Variants in NEK3 observed in about 807,000 individuals in gnomAD.
NEK3 encodes the protein NIMA related kinase 3.
In NEK3, 54 loss-of-function variants were observed where a neutral mutation model predicts 66.0. That is an observed-to-expected ratio of 0.82 (90% CI 0.66 to 1.03). The LOEUF (loss-of-function observed/expected upper bound fraction) is 1.03, where lower values mean the gene tolerates loss of function less well. Among genes scored for constraint, NEK3 ranks in the 50% least tolerant of loss-of-function variants. NEK3 has a pLI of 0.00. For synonymous variants in NEK3, 200 were observed against 206.2 expected, an observed-to-expected ratio of 0.97 and a Z score of 0.26; for missense variants, 593 against 603.0, an observed-to-expected ratio of 0.98 and a Z score of 0.17.
chr13:52,133,009 A>T lies in NEK3; in HGVS notation c.*133T>A. On this transcript the variant is annotated 3_prime_UTR_variant, in exon 16 of 16. Coordinates refer to ENST00000610828, the MANE Select transcript of NEK3 (RefSeq NM_002498.3). The stretch of plus-strand genomic sequence containing the variant: ...CACGATACTAATCAAGAACGATTTT[A>T]AGTATTAAGAGTTTCCTCTGCTTCA... The T allele has an allele frequency of 2.8e-6, 2 of 711,584 alleles. No homozygotes were observed. The highest frequency in any genetic ancestry group is 4.7e-6 in the Non-Finnish European group (2 of 424,420). The allele number at this position is 711,584 out of a possible 1,614,324, so 44.1% of individuals were successfully genotyped here. A position where few individuals can be genotyped will look rare whatever the true frequency, so the allele number is the denominator to read the frequency against.
Position 52,136,151 on chromosome 13 carries a change from A to AT in NEK3, c.1138dup (p.Ile380AsnfsTer12). The AT allele has an allele frequency of 6.2e-7, 1 of 1,613,812 alleles. No homozygotes were observed. The highest frequency in any genetic ancestry group is 8.5e-7 in the Non-Finnish European group (1 of 1,179,718). On this transcript the variant is annotated frameshift_variant, in exon 13 of 16. Coordinates refer to ENST00000610828, the MANE Select transcript of NEK3 (RefSeq NM_002498.3). LOFTEE classifies it high-confidence loss of function. ...CTCTGCTGTTAAACTGGAGGTGAGT[A>AT]TGGATGCATTTTCCAAAGCTGTAAG...
At chr13:52,157,867 A>G (rs1429108710) in intron 1 of NEK3, among the ~76,000 whole-genome samples, 1 of 152,236 alleles carries the variant, frequency 6.6e-6, no homozygotes, top group Non-Finnish European at 1.5e-5. Context: ...GATTTTTCAA[A>G]AAGCTTACAG....
chr13:52,147,617 G>A (rs1203756281), intron 8 of NEK3, among the ~76,000 whole-genome samples: 5 of 152,158 alleles, frequency 3.3e-5, no homozygotes, highest in African/African-American at 7.2e-5. Context: ...GGGAAGAAAT[G>A]GGGAGCAACT....
intron 8 of NEK3, among the ~76,000 whole-genome samples, chr13:52,146,928 TAACC>T (rs901719411): frequency 2.6e-5 from 4 of 152,160 alleles, no homozygotes; most frequent in African/African-American, 9.7e-5. Context: ...GTAAAAAAGC[TAACC>T]TTCAGCCTGT....
chr13:52,146,141 A>G (rs1956294162), intron 8 of NEK3, among the ~76,000 whole-genome samples: 1 of 152,206 alleles, frequency 6.6e-6, no homozygotes, highest in Non-Finnish European at 1.5e-5. Context: ...AAATGATTCT[A>G]CACCTCAAGG....
Position 52,135,780 on chromosome 13 carries a change from T to A in NEK3, c.1258A>T (p.Lys420Ter), listed in dbSNP as rs748211683. ...AAAGCCAAGCTGAGATCAGCATTCT[T>A]AAGGATGTTCAACAAAGTGTCAGGG... ...ETPDTLLNILKNADLSLAFQT... is the reference protein window; with the variant it reads ...ETPDTLLNIL Residue 420 changes from lysine (K) to a stop codon, truncating the protein, a stop_gained, in exon 14 of 16, where the codon AAG (lysine) becomes TAG (stop). Coordinates refer to ENST00000610828, the MANE Select transcript of NEK3 (RefSeq NM_002498.3). LOFTEE classifies it high-confidence loss of function. 3.7e-6 allele frequency: 6 copies of A among 1,613,582 alleles called. No individual in the cohort carries two copies. The African/African-American group carries it at 8.0e-5, about 22-fold the overall frequency.
intron 10 of NEK3, among the ~76,000 whole-genome samples, chr13:52,142,628 C>A (rs1956261431): frequency 6.6e-6 from 1 of 152,196 alleles, no homozygotes; most frequent in South Asian, 2.1e-4. Flanking sequence ...GAAGGGTTTG[C>A]ATCCTTCCAA....
chr13:52,138,224 G>A (rs1956219993), intron 11 of NEK3, among the ~76,000 whole-genome samples: 3 of 152,150 alleles, frequency 2.0e-5, no homozygotes, highest in Admixed American at 1.3e-4. Context: ...GTCTCATTGT[G>A]TTGCCCAGGC....
intron 1 of NEK3, chr13:52,156,718 G>A (rs1676703918): frequency 6.6e-6 from 1 of 152,410 alleles, no homozygotes; most frequent in African/African-American, 2.4e-5. Context: ...TTGTTAAAAT[G>A]GCATATGAGC....
chr13:52,153,499 G>A (rs1232377640), intron 4 of NEK3, among the ~76,000 whole-genome samples: 2 of 152,028 alleles, frequency 1.3e-5, no homozygotes, highest in African/African-American at 4.8e-5. Context: ...AAAAGATTGA[G>A]AATAGGTACT....
intron 7 of NEK3, among the ~76,000 whole-genome samples, chr13:52,149,982 A>G (rs949858437): frequency 1.3e-5 from 2 of 152,194 alleles, no homozygotes; most frequent in Non-Finnish European, 2.9e-5. Flanking sequence ...TACTGTTATC[A>G]CATCCAAGGA....
At chr13:52,149,248 G>A (rs1052127688) in intron 7 of NEK3, among the ~76,000 whole-genome samples, 1 of 151,348 alleles carries the variant, frequency 6.6e-6, no homozygotes, top group Non-Finnish European at 1.5e-5. Context: ...TGCCTAGGCT[G>A]GAGTGCAGTG....
intron 8 of NEK3, among the ~76,000 whole-genome samples, chr13:52,147,583 G>C (rs960298188): frequency 6.6e-6 from 1 of 152,212 alleles, no homozygotes; most frequent in Non-Finnish European, 1.5e-5. Context: ...TCATGAGGCA[G>C]AAATTAGATT....
rs1196830036 is a variant in NEK3 at position 52,145,929 on chromosome 13, G to A, written c.604-1038C>T. ...TAACAAAGCTGCGTACTCTGAACATGTACCCCAGAACTTAAAATAAAAATT... is the reference window on the plus strand; with the variant it reads ...TAACAAAGCTGCGTACTCTGAACATATACCCCAGAACTTAAAATAAAAATT... On this transcript the variant is annotated intron_variant, in intron 8 of 15. Transcript: ENST00000610828. 3.9e-5 allele frequency among the ~76,000 whole-genome samples: 6 copies of A among 152,224 alleles called. No homozygotes were observed. In the South Asian group the frequency reaches 8.3e-4, roughly 21 times the overall value.
Position 52,152,804 on chromosome 13 carries a change from T to C in NEK3, c.310-112A>G, listed in dbSNP as rs1956358852. 3 of 643,740 alleles carry C rather than the reference T, an allele frequency of 4.7e-6. No homozygotes were observed. The African/African-American group carries it at 5.5e-5, about 12-fold the overall frequency. The allele number at this position is 643,740 out of a possible 1,614,324, so 39.9% of individuals were successfully genotyped here. A position where few individuals can be genotyped will look rare whatever the true frequency, so the allele number is the denominator to read the frequency against. On this transcript the variant is annotated intron_variant, in intron 4 of 15. Transcript: ENST00000610828. The stretch of plus-strand genomic sequence containing the variant: ...TAGTCAACCGGGATTTTACGTAATG[T>C]GAGTACAGAACTCCTATAAATTACA...
rs780631830 is a variant in NEK3 at position 52,136,906 on chromosome 13, TAA to T, written c.928-6_928-5del. 2.6e-6 allele frequency: 4 copies of T among 1,536,230 alleles called. No individual in the cohort carries two copies. The highest frequency in any genetic ancestry group is 2.7e-5 in the African/African-American group (2 of 73,642). Reference sequence around the variant, plus strand: ...TTCTATCTTGTTCTTCCTCTTGCTTTAAAAGAGATTAACAATACAGATTAAAT... The same window carrying T: ...TTCTATCTTGTTCTTCCTCTTGCTTTAAGAGATTAACAATACAGATTAAAT... On this transcript the variant is annotated splice_polypyrimidine_tract_variant and splice_region_variant and intron_variant, in intron 11 of 15. Transcript: ENST00000610828.
rs768046315 is a variant in NEK3 at position 52,136,135 on chromosome 13, T to C, written c.1155A>G (p.Leu385=). Residue 385 remains leucine, a synonymous_variant, in exon 13 of 16, where the codon TTA becomes TTG. Coordinates refer to ENST00000610828, the MANE Select transcript of NEK3 (RefSeq NM_002498.3). ...LENASILTSS[L]TAEDDRGGSV... is the part of the protein sequence containing the mutation. ...ACTAACCTCTATCGTCCTCTGCTGTTAAACTGGAGGTGAGTATGGATGCAT... is the reference window on the plus strand; with the variant it reads ...ACTAACCTCTATCGTCCTCTGCTGTCAAACTGGAGGTGAGTATGGATGCAT... 15 of 1,613,656 alleles carry C rather than the reference T, an allele frequency of 9.3e-6. No individual in the cohort carries two copies. The African/African-American group carries it at 1.7e-4, about 19-fold the overall frequency.
intron 4 of NEK3, among the ~76,000 whole-genome samples, chr13:52,153,019 C>T (rs1956360469): frequency 6.6e-6 from 1 of 152,156 alleles, no homozygotes; most frequent in African/African-American, 2.4e-5. Context: ...CTAAGAAATA[C>T]ACTACAGCTT....
At chr13:52,140,214 CAAA>C (rs397851494) in intron 11 of NEK3, among the ~76,000 whole-genome samples, 8 of 76,792 alleles carry the variant, frequency 1.0e-4, no homozygotes, top group Admixed American at 1.5e-4. Context: ...GACCCTATCT[CAAA>C]AAAAAAAAAA....
Sources: gnomAD v4.1 joint callset for allele counts (sites outside exome capture counted in the v4.1 genomes callset) on GRCh38, gnomAD v4.1.1 for gene constraint, MANE v1.5 for transcripts, NCBI Gene and HGNC (gene_info 2026-07-23, HGNC 2026-07-21) for gene names.